The following RBM38 variants were observed in gnomAD, a reference collection of about 807,000 sequenced individuals.
RBM38 encodes the protein RNA-binding protein 38.
A neutral mutation model predicts 23.5 loss-of-function variants in RBM38; 11 were observed. The ratio of observed to expected loss-of-function variants is 0.47; its 90% confidence interval spans 0.29 to 0.77. The LOEUF (loss-of-function observed/expected upper bound fraction) is 0.77. RBM38 is among the 30% of genes least tolerant of loss of function. The pLI is 0.08. For synonymous variants in RBM38, 165 were observed against 166.1 expected (o/e 0.99, Z 0.05); for missense variants, 330 against 351.9 (o/e 0.94, Z 0.50).
At chr20:57,404,415 A>G (rs1048520641) in intron 3 of RBM38, among the ~76,000 whole-genome samples, 1 of 152,244 alleles carries the variant, frequency 6.6e-6, no homozygotes, top group African/African-American at 2.4e-5. Context: ...TGTGGGTTCA[A>G]AGCTTCCATA....
intron 3 of RBM38, 128 bp downstream of exon 3, chr20:57,393,461 G>A (rs1178594906): frequency 5.7e-6 from 6 of 1,048,192 alleles, no homozygotes; most frequent in Non-Finnish European, 8.9e-6. Flanking sequence ...TTAAGCCAAG[G>A]GAGTGAAGAG....
At chr20:57,392,256 C>T (rs1416321051) in intron 1 of RBM38, 3 of 417,994 alleles carry the variant, frequency 7.2e-6, no homozygotes, top group Non-Finnish European at 1.3e-5. Flanking sequence ...GTAAAAACGT[C>T]TTGAAGACAC....
chr20:57,391,649 C>T lies in RBM38; in HGVS notation c.68C>T (p.Ala23Val). 6.7e-7 allele frequency: 1 copy of T among 1,491,996 alleles called. No individual in the cohort carries two copies. The highest frequency in any genetic ancestry group is 1.3e-5 in the South Asian group (1 of 79,610). 92.4% of individuals were successfully genotyped at this position (1,491,996 alleles called of 1,614,324 possible). A position where few individuals can be genotyped will look rare whatever the true frequency, so the allele number is the denominator to read the frequency against. The change falls in exon 1 of 4, where the codon GCC becomes GTC. Residue 23 changes from alanine to valine, a missense_variant. By Grantham distance (64) the Ala-to-Val change is moderately conservative. Coordinates refer to ENST00000356208, the MANE Select transcript of RBM38 (RefSeq NM_017495.6). Reference protein sequence around the residue: ...GFPRPLAAPGAMHGSQKDTTF... With the variant: ...GFPRPLAAPGVMHGSQKDTTF... ...CCGCGGCCCCTGGCCGCCCCCGGCGCCATGCACGGCTCGCAGAAGGACACC... is the reference window on the plus strand; with the variant it reads ...CCGCGGCCCCTGGCCGCCCCCGGCGTCATGCACGGCTCGCAGAAGGACACC...
intron 3 of RBM38, among the ~76,000 whole-genome samples, chr20:57,394,989 T>C (rs1269764130): frequency 1.3e-5 from 2 of 152,126 alleles, no homozygotes; most frequent in African/African-American, 4.8e-5. Context: ...CAGAGGTGGG[T>C]TCGAATCCTG....
In RBM38 at chr20:57,408,096, C is replaced by T; in HGVS notation, c.*250C>T. On this transcript the variant is annotated 3_prime_UTR_variant, in exon 4 of 4. Transcript: ENST00000356208. ...ACTGAGAACTATTTAAAGACGCAAT[C>T]CCAGGTTCCTTGCACACCATGGCAG... 1 of 567,354 alleles carries T rather than the reference C, an allele frequency of 1.8e-6. No homozygotes were observed. The highest frequency in any genetic ancestry group is 3.1e-6 in the Non-Finnish European group (1 of 317,496). The allele number at this position is 567,354 out of a possible 1,614,324, so 35.1% of individuals were successfully genotyped here.
At chr20:57,397,636 G>C (rs548620679) in intron 3 of RBM38, among the ~76,000 whole-genome samples, 2 of 152,266 alleles carry the variant, frequency 1.3e-5, no homozygotes, top group African/African-American at 4.8e-5. Flanking sequence ...GCAAGAGGAC[G>C]TACTGGGGAG....
intron 1 of RBM38, chr20:57,392,141 C>G (rs1403025165): frequency 4.2e-6 from 1 of 240,618 alleles, no homozygotes; most frequent in Non-Finnish European, 8.3e-6. Context: ...CCTGGAGCAG[C>G]GGGGGGTGAG....
At chr20:57,406,354 C>T (rs543013429) in intron 3 of RBM38, among the ~76,000 whole-genome samples, 1 of 152,176 alleles carries the variant, frequency 6.6e-6, no homozygotes, top group Non-Finnish European at 1.5e-5. Context: ...AAGTGTTGGC[C>T]TCAATGCGTT....
chr20:57,408,260 AG>A lies in RBM38; in HGVS notation c.*417del, dbSNP rs908759114. The A allele has an allele frequency of 8.3e-6, 2 of 241,158 alleles. No individual in the cohort carries two copies. Among genetic ancestry groups the A allele is most frequent in the African/African-American group, 4.4e-5 (2 of 45,662 alleles). 14.9% of individuals were successfully genotyped at this position (241,158 alleles called of 1,614,324 possible). On this transcript the variant is annotated 3_prime_UTR_variant, in exon 4 of 4. Transcript: ENST00000356208. ...GGACTGTGCAGAGATGCCTGACTCC[AG>A]GGAAACCTGAAAGCAAGAAGTTAAT...
At chr20:57,397,356 T>C (rs1307641664) in intron 3 of RBM38, among the ~76,000 whole-genome samples, 11 of 152,214 alleles carry the variant, frequency 7.2e-5, no homozygotes, top group Admixed American at 7.2e-4. Context: ...GCTGCGAGAC[T>C]CTTGTCCCTC....
At chr20:57,403,405 G>A (rs951640906) in intron 3 of RBM38, among the ~76,000 whole-genome samples, 2 of 152,198 alleles carry the variant, frequency 1.3e-5, no homozygotes, top group South Asian at 2.1e-4. Context: ...AACTTCAGCC[G>A]GTGTTCTCAC....
chr20:57,404,593 G>A (rs1168603893), intron 3 of RBM38, among the ~76,000 whole-genome samples: 1 of 152,118 alleles, frequency 6.6e-6, no homozygotes, highest in Non-Finnish European at 1.5e-5. Flanking sequence ...CCCTGCCTCC[G>A]CTGGCCAGAG....
rs552240400 is a variant in RBM38 at position 57,407,978 on chromosome 20, G to C, written c.*132G>C. 5.2e-6 allele frequency: 6 copies of C among 1,145,600 alleles called. No individual in the cohort carries two copies. In the East Asian group the frequency reaches 1.6e-4, roughly 30 times the overall value. 71.0% of individuals were successfully genotyped at this position (1,145,600 alleles called of 1,614,324 possible). ...ACCAGCACCCGTGCCTCCGAAGACC[G>C]CTCGGGCATTCCGCCTGCGCCCTGG... On this transcript the variant is annotated 3_prime_UTR_variant, in exon 4 of 4. Transcript: ENST00000356208. The surrounding 1 kb of genome is among the most constrained non-coding windows in gnomAD (Gnocchi z 4.0).
chr20:57,393,058 G>T, intron 2 of RBM38: 1 of 642,990 alleles, frequency 1.6e-6, no homozygotes. Flanking sequence ...CTGGAGGTTG[G>T]GAGTGCCGAC....
At position 57,407,823 on chromosome 20, in the gene RBM38, C is replaced by G; in HGVS notation, c.697C>G (p.Leu233Val). 1 of 1,577,938 alleles carries G rather than the reference C, an allele frequency of 6.3e-7. No individual in the cohort carries two copies. The highest frequency in any genetic ancestry group is 8.6e-7 in the Non-Finnish European group (1 of 1,165,394). The change falls in exon 4 of 4, where the codon CTG becomes GTG. Residue 233 changes from leucine (L) to valine (V), a missense_variant. Leu to Val is a conservative substitution (Grantham distance 32). Around this residue, in one of 3 missense-constraint regions of RBM38, gnomAD observed 227 missense variants for 216.4 expected, o/e 1.05. Transcript: ENST00000356208. The surrounding 1 kb of genome is among the most constrained non-coding windows in gnomAD (Gnocchi z 4.0). The part of the protein sequence containing the change: ...TTFVQYQAPQ[L>V]QPDRMQ Reference sequence around the variant, plus strand: ...TTTCGTGCAGTACCAGGCGCCGCAGCTGCAGCCTGACAGGATGCAGTGAGG... The same window carrying G: ...TTTCGTGCAGTACCAGGCGCCGCAGGTGCAGCCTGACAGGATGCAGTGAGG...
chr20:57,405,624 G>T (rs990539096), intron 3 of RBM38, among the ~76,000 whole-genome samples: 1 of 152,238 alleles, frequency 6.6e-6, no homozygotes, highest in Non-Finnish European at 1.5e-5. Flanking sequence ...GGGGTGGGGG[G>T]AGCAAGAGGC....
At chr20:57,398,294 G>A (rs892323735) in intron 3 of RBM38, among the ~76,000 whole-genome samples, 8 of 152,132 alleles carry the variant, frequency 5.3e-5, no homozygotes, top group East Asian at 1.9e-4. Flanking sequence ...ACACGTGTGC[G>A]GGCGTGCTGG....
In RBM38 at chr20:57,407,990, C is replaced by T. The variant is rs1012721608; in HGVS notation, c.*144C>T. 70 of 972,118 alleles carry T rather than the reference C, an allele frequency of 7.2e-5. No homozygotes were observed. Among genetic ancestry groups the T allele is most frequent in the Non-Finnish European group, 9.2e-5 (62 of 671,228 alleles). The allele number at this position is 972,118 out of a possible 1,614,324, so 60.2% of individuals were successfully genotyped here. A position where few individuals can be genotyped will look rare whatever the true frequency, so the allele number is the denominator to read the frequency against. ...GCCTCCGAAGACCGCTCGGGCATTCCGCCTGCGCCCTGGGACAGCGGAGAG... is the reference window on the plus strand; with the variant it reads ...GCCTCCGAAGACCGCTCGGGCATTCTGCCTGCGCCCTGGGACAGCGGAGAG... On this transcript the variant is annotated 3_prime_UTR_variant, in exon 4 of 4. Transcript: ENST00000356208. The surrounding 1 kb of genome is among the most constrained non-coding windows in gnomAD (Gnocchi z 4.0).
In RBM38 at chr20:57,391,540, A is replaced by C; in HGVS notation, c.-42A>C. 1.3e-6 allele frequency: 1 copy of C among 745,234 alleles called. No homozygotes were observed. Among genetic ancestry groups the C allele is most frequent in the Non-Finnish European group, 1.7e-6 (1 of 601,920 alleles). 46.2% of individuals were successfully genotyped at this position (745,234 alleles called of 1,614,324 possible). ...GCTCCCCGCCGCCCCCCATGAGCGC[A>C]GCCCCGCGCGGCCCGGGTCCGTAGG... On this transcript the variant is annotated 5_prime_UTR_variant, in exon 1 of 4. Transcript: ENST00000356208.
Sources: allele counts gnomAD v4.1 joint callset (sites outside exome capture counted in the v4.1 genomes callset), GRCh38; gene constraint gnomAD v4.1.1; regional missense constraint gnomAD v4.1.1; non-coding constraint Gnocchi (gnomAD v3.1); transcripts MANE v1.5; gene names NCBI Gene and HGNC (gene_info 2026-07-23, HGNC 2026-07-21).